The following WIPF3 variants were observed in gnomAD, a reference collection of about 807,000 sequenced individuals.
WIPF3 encodes the protein WAS/WASL-interacting protein family member 3.
WIPF3 carries 33 observed loss-of-function variants against 38.9 expected under a neutral mutation model. The ratio of observed to expected loss-of-function variants is 0.85; its 90% CI spans 0.64 to 1.14. WIPF3 has a LOEUF of 1.14. Ranked by LOEUF, WIPF3 falls within the 50% of genes most tolerant of loss-of-function variation. WIPF3 has a pLI of 0.00. For synonymous variants in WIPF3, 324 were observed against 269.3 expected, an observed-to-expected ratio of 1.20 and a Z score of -1.99; for missense variants, 711 against 652.5, an observed-to-expected ratio of 1.09 and a Z score of -0.98.
chr7:29,903,612 A>G (rs1786331202), intron 7 of WIPF3, among the ~76,000 whole-genome samples: 1 of 152,152 alleles, frequency 6.6e-6, no homozygotes, highest in Non-Finnish European at 1.5e-5. Context: ...GAGTTCTGGA[A>G]CACCTGGGAA....
Position 29,875,892 on chromosome 7 carries a change from T to C in WIPF3, c.153T>C (p.Ala51=), listed in dbSNP as rs540912891. The C allele has an allele frequency of 1.2e-6, 2 of 1,614,092 alleles. No homozygotes were observed. The highest frequency in any genetic ancestry group is 3.3e-5 in the Admixed American group (2 of 60,034). The change falls in exon 3 of 9, where the codon GCT becomes GCC. Residue 51 remains alanine, a synonymous_variant. Transcript: ENST00000242140. Reference sequence around the variant, plus strand: ...CGAAAGGCCGGAGTGCGCTGTTGGCTGATATCCAGCAAGGAACTCGCCTGC... The same window carrying C: ...CGAAAGGCCGGAGTGCGCTGTTGGCCGATATCCAGCAAGGAACTCGCCTGC... ...ADPKGRSALL[A]DIQQGTRLRK...
rs1232040089 is a variant in WIPF3, at chr7:29,914,811, C to G, written c.*295C>G. ...TAGTGCCCACTCCATGACTGTGAAT[C>G]TGCTTGCAGGCTGGCCCTTCCTAGA... On this transcript the variant is annotated 3_prime_UTR_variant, in exon 9 of 9. Transcript: ENST00000242140. The G allele has an allele frequency of 4.3e-6, 1 of 231,148 alleles. No homozygotes were observed. Among genetic ancestry groups the G allele is most frequent in the Non-Finnish European group, 8.3e-6 (1 of 119,972 alleles). 14.3% of individuals were successfully genotyped at this position (231,148 alleles called of 1,614,324 possible). A position where few individuals can be genotyped will look rare whatever the true frequency, so the allele number is the denominator to read the frequency against.
intron 7 of WIPF3, 38 bp downstream of exon 7, chr7:29,889,445 A>G (rs774293354): frequency 6.5e-7 from 1 of 1,544,678 alleles, no homozygotes; most frequent in South Asian, 1.1e-5. Flanking sequence ...GCATCTCCCG[A>G]CCCTTCAAAA....
rs1196298334 is a variant in WIPF3, at chr7:29,878,502, A to G, written c.224-507A>G. On this transcript the variant is annotated intron_variant, in intron 3 of 8. Transcript: ENST00000242140. This position sits in a 1 kb window ranked among gnomAD's most constrained non-coding sequence, Gnocchi z 4.0. ...GGGGCTTGAGGGCTGGAGAGACAGG[A>G]AGGAAACTGCCAGGGCACAGTCATG... is the stretch of plus-strand genomic sequence containing the variant. 6.6e-6 allele frequency among the ~76,000 whole-genome samples: 1 copy of G among 152,092 alleles called. No homozygotes were observed. Among genetic ancestry groups the G allele is most frequent in the Non-Finnish European group, 1.5e-5 (1 of 67,996 alleles).
At chr7:29,897,995 TTC>T (rs1189434511) in intron 7 of WIPF3, among the ~76,000 whole-genome samples, 2 of 152,130 alleles carry the variant, frequency 1.3e-5, no homozygotes, top group African/African-American at 4.8e-5. Context: ...TTTTCTGCTC[TTC>T]TCTTAGCCAA....
At chr7:29,822,123 G>GTTTTTTTTTTTTTTTTTTTTTTTTGTT in intron 1 of WIPF3, among the ~76,000 whole-genome samples, 1 of 62,874 alleles carries the variant, frequency 1.6e-5, no homozygotes, top group Non-Finnish European at 2.9e-5. Context: ...TTTTTTCTTA[G>GTTTTTTTTTTTTTTTTTTTTTTTTGTT]TTTTTTTTTT....
chr7:29,859,140 C>G (rs1026106331), intron 2 of WIPF3, among the ~76,000 whole-genome samples: 2 of 152,116 alleles, frequency 1.3e-5, no homozygotes, highest in African/African-American at 4.8e-5. Context: ...AGGGCTGGAA[C>G]TTGAGGGCAG....
chr7:29,891,928 G>A (rs1448710725), intron 7 of WIPF3, among the ~76,000 whole-genome samples: 1 of 152,120 alleles, frequency 6.6e-6, no homozygotes, highest in Admixed American at 6.6e-5. Context: ...GATTGTGCTG[G>A]GTGCATGTAG....
chr7:29,897,855 G>C (rs1175966260), intron 7 of WIPF3, among the ~76,000 whole-genome samples: 1 of 152,150 alleles, frequency 6.6e-6, no homozygotes, highest in African/African-American at 2.4e-5. Context: ...TTCAAAAGCT[G>C]TCTTCCAGCA....
At chr7:29,904,471 C>A in intron 8 of WIPF3, 109 bp downstream of exon 8, 1 of 1,110,732 alleles carries the variant, frequency 9.0e-7, no homozygotes, top group Non-Finnish European at 1.3e-6. Flanking sequence ...TTTCCTCACA[C>A]TCCTTTTCCT....
intron 6 of WIPF3, 94 bp downstream of exon 6, chr7:29,888,311 A>G (rs906513921): frequency 6.8e-7 from 1 of 1,461,258 alleles, no homozygotes; most frequent in South Asian, 1.4e-5. Context: ...CAGTGCTGCC[A>G]TCTCAGGGTG....
At chr7:29,824,496 T>C (rs1036036936) in intron 1 of WIPF3, among the ~76,000 whole-genome samples, 98 of 149,862 alleles carry the variant, frequency 6.5e-4, no homozygotes, top group African/African-American at 2.4e-3. Context: ...TTCCAGATGG[T>C]GAAGGCCCTG....
intron 1 of WIPF3, among the ~76,000 whole-genome samples, chr7:29,810,973 C>T (rs2058286461): frequency 1.3e-5 from 2 of 152,144 alleles, no homozygotes; most frequent in South Asian, 4.1e-4. Flanking sequence ...ACTACTGCCT[C>T]CAACTCCCAC....
intron 1 of WIPF3, among the ~76,000 whole-genome samples, chr7:29,807,246 C>G (rs924920338): frequency 1.3e-5 from 2 of 152,172 alleles, no homozygotes; most frequent in Non-Finnish European, 2.9e-5. Flanking sequence ...TGTCCAAGGT[C>G]ACACAGCTCA....
In WIPF3 at chr7:29,834,782, G is replaced by T. The variant is rs1163664605; in HGVS notation, c.58G>T (p.Ala20Ser). The change falls in exon 2 of 9, where the codon GCT becomes TCT. Residue 20 changes from alanine to serine, a missense_variant. Ala to Ser is a moderately conservative substitution (Grantham distance 99). Transcript: ENST00000242140. ...PLPPPPPPLG[A>S]PPPPPPSAPP... ...GCCTCCACCTCCCCCGCCTCTGGGG[G>T]CTCCTCCCCCTCCCCCACCATCAGC... 1 of 1,513,402 alleles carries T rather than the reference G, an allele frequency of 6.6e-7. No homozygotes were observed. Among genetic ancestry groups the T allele is most frequent in the African/African-American group, 1.4e-5 (1 of 70,762 alleles). 93.7% of individuals were successfully genotyped at this position (1,513,402 alleles called of 1,614,324 possible).
In WIPF3 at chr7:29,889,405, G is replaced by C; in HGVS notation, c.1349G>C (p.Arg450Thr). ...AAGATTTACCCCAGCAAGATCCCCA[G>C]AAGTAAGTACCACCTTGATAAGACT... The part of the protein sequence containing the change: ...CQKIYPSKIP[R>T]SRTPGPWLQA... The change falls in exon 7 of 9, where the codon AGA becomes ACA. Residue 450 changes from arginine (R) to threonine (T), a missense_variant and splice_region_variant. Transcript: ENST00000242140. The C allele has an allele frequency of 6.2e-7, 1 of 1,613,194 alleles. No individual in the cohort carries two copies. The highest frequency in any genetic ancestry group is 8.5e-7 in the Non-Finnish European group (1 of 1,179,244).
chr7:29,813,849 A>G (rs1201071477), intron 1 of WIPF3, among the ~76,000 whole-genome samples: 1 of 151,984 alleles, frequency 6.6e-6, no homozygotes, highest in African/African-American at 2.4e-5. Context: ...CTTGACAACC[A>G]CTAATCTATT....
chr7:29,896,931 G>GA (rs927539945), intron 7 of WIPF3, among the ~76,000 whole-genome samples: 7 of 152,102 alleles, frequency 4.6e-5, no homozygotes, highest in African/African-American at 1.7e-4. Flanking sequence ...ACATGTGCTT[G>GA]AAAAATTCAC....
At chr7:29,831,311 G>C (rs1378515903) in intron 1 of WIPF3, among the ~76,000 whole-genome samples, 1 of 152,196 alleles carries the variant, frequency 6.6e-6, no homozygotes, top group African/African-American at 2.4e-5. Context: ...GGGTTGTCTT[G>C]TTCTATCTGG....
Sources: gnomAD v4.1 joint callset for allele counts (sites outside exome capture counted in the v4.1 genomes callset) on GRCh38, gnomAD v4.1.1 for gene constraint, Gnocchi (gnomAD v3.1) non-coding constraint, MANE v1.5 for transcripts, NCBI Gene and HGNC (gene_info 2026-07-23, HGNC 2026-07-21) for gene names.